Variants in C1orf167 observed in about 807,000 individuals in gnomAD.
C1orf167 encodes uncharacterized protein C1orf167.
In C1orf167, 153 loss-of-function variants were observed where a neutral mutation model predicts 176.5. That is an observed-to-expected ratio of 0.87 (90% CI 0.76 to 0.99). C1orf167 has a LOEUF of 0.99. C1orf167 is among the 50% of genes least tolerant of loss of function. The probability of loss-of-function intolerance (pLI) is 0.00; values close to 1 mark genes in which losing one functional copy is unlikely to be tolerated. For missense variants in C1orf167, 1,490 were observed against 1,817.7 expected (o/e 0.82, Z 3.28); for synonymous variants, 594 against 752.7 (o/e 0.79, Z 3.45).
rs1333815097 is a variant in C1orf167 at position 11,779,879 on chromosome 1, G to T, written c.2729G>T (p.Arg910Leu). ...CTGGCTTCCCACCGGGCCTGGGATC[G>T]GACCTGCAGGGCTGTGCTGGGCCTG... ...RELASHRAWD[R>L]TCRAVLGLWR... is the part of the protein sequence containing the mutation. Residue 910 changes from arginine (R) to leucine (L), a missense_variant, in exon 13 of 21, where the codon CGG becomes CTG. By Grantham distance (102) the Arg-to-Leu change is moderately radical. Transcript: ENST00000688073. 3 of 1,303,202 alleles carry T rather than the reference G, an allele frequency of 2.3e-6. No individual in the cohort carries two copies. The highest frequency in any genetic ancestry group is 1.1e-4 in the East Asian group (2 of 18,036). The allele number at this position is 1,303,202 out of a possible 1,614,324, so 80.7% of individuals were successfully genotyped here. A position where few individuals can be genotyped will look rare whatever the true frequency, so the allele number is the denominator to read the frequency against.
chr1:11,778,975 G>A lies in C1orf167; in HGVS notation c.2546G>A (p.Trp849Ter), dbSNP rs1322532940. ...LPDTLQGSLL[W>*]AAGQRQQGQC... ...GACACTCTCCAGGGGAGCCTTCTGTGGGCAGCTGGGCAGCGGCAGCAGGGG... is the reference window on the plus strand; with the variant it reads ...GACACTCTCCAGGGGAGCCTTCTGTAGGCAGCTGGGCAGCGGCAGCAGGGG... The change falls in exon 12 of 21, where the codon TGG becomes TAG. Residue 849 changes from tryptophan (W) to a stop codon, truncating the protein, a stop_gained. Transcript: ENST00000688073. LOFTEE classifies it high-confidence loss of function. The A allele has an allele frequency of 7.7e-7, 1 of 1,303,754 alleles. No homozygotes were observed. Among genetic ancestry groups the A allele is most frequent in the South Asian group, 1.2e-5 (1 of 80,972 alleles). The allele number at this position is 1,303,754 out of a possible 1,614,324, so 80.8% of individuals were successfully genotyped here. A position where few individuals can be genotyped will look rare whatever the true frequency, so the allele number is the denominator to read the frequency against.
intron 3 of C1orf167, 61 bp downstream of exon 3, chr1:11,767,146 G>A: frequency 1.6e-6 from 2 of 1,282,992 alleles, no homozygotes; most frequent in Non-Finnish European, 1.0e-6. Flanking sequence ...CCAGGGCAGG[G>A]AGGCTTGGCA....
At chr1:11,769,894 G>A (rs535032208) in intron 6 of C1orf167, among the ~76,000 whole-genome samples, 23 of 152,110 alleles carry the variant, frequency 1.5e-4, no homozygotes, top group Non-Finnish European at 2.8e-4. Flanking sequence ...GACCTCAAGT[G>A]ATCCACCTGC....
chr1:11,762,237 A>G lies in C1orf167; in HGVS notation c.-139A>G, dbSNP rs1358724774. The G allele has an allele frequency of 6.8e-6, 3 of 442,802 alleles. No homozygotes were observed. The highest frequency in any genetic ancestry group is 1.4e-4 in the East Asian group (2 of 14,092). 27.4% of individuals were successfully genotyped at this position (442,802 alleles called of 1,614,324 possible). On this transcript the variant is annotated 5_prime_UTR_variant, in exon 1 of 21. Transcript: ENST00000688073. ...GACCTGCCGACCTGCGGGGATCGTT[A>G]GCGGTCCCAGCCCCCGTCTAGATTC...
intron 13 of C1orf167, among the ~76,000 whole-genome samples, chr1:11,780,811 G>A (rs1290889117): frequency 1.3e-5 from 2 of 152,020 alleles, no homozygotes; most frequent in Non-Finnish European, 2.9e-5. Context: ...GAGAGGTTGA[G>A]GCGTGGGAAG....
chr1:11,776,432 G>T, intron 9 of C1orf167, 32 bp from the exon 10 acceptor site: 1 of 1,290,418 alleles, frequency 7.7e-7, no homozygotes, highest in South Asian at 1.3e-5. Flanking sequence ...TCAGTGGGGA[G>T]GCAGCTGACT....
At position 11,782,594 on chromosome 1, in the gene C1orf167, G is replaced by A. The variant is rs370331444; in HGVS notation, c.3005+261G>A. On this transcript the variant is annotated intron_variant, in intron 14 of 20. Coordinates refer to ENST00000688073, the MANE Select transcript of C1orf167 (RefSeq NM_001010881.2). ...CCCCGGGAGTCCAGCTCCTGGCCAG[G>A]TCAGTTCTTTGGTTTTAGAGGATAT... 1.7e-4 allele frequency among the ~76,000 whole-genome samples: 26 copies of A among 152,268 alleles called. No individual in the cohort carries two copies. In the South Asian group the frequency reaches 5.0e-3, roughly 29 times the overall value.
In C1orf167 at chr1:11,766,323, G is replaced by T; in HGVS notation, c.537G>T (p.Gly179=). 2 of 1,287,338 alleles carry T rather than the reference G, an allele frequency of 1.6e-6. No individual in the cohort carries two copies. Among genetic ancestry groups the T allele is most frequent in the South Asian group, 1.2e-5 (1 of 80,738 alleles). 79.7% of individuals were successfully genotyped at this position (1,287,338 alleles called of 1,614,324 possible). The part of the protein sequence containing the change: ...SGLPAPGTPS[G]DFRPTEAFAP... ...TGCCGGCCCCAGGCACCCCTAGCGG[G>T]GACTTCAGGCCCACTGAAGCCTTTG... is the stretch of plus-strand genomic sequence containing the variant. Residue 179 remains glycine (G), a synonymous_variant, in exon 3 of 21, where the codon GGG becomes GGT. Transcript: ENST00000688073. This position sits in a 1 kb window ranked among gnomAD's most constrained non-coding sequence, Gnocchi z 4.5.
chr1:11,789,209 C>T lies in C1orf167; in HGVS notation c.4174-61C>T, dbSNP rs112141230. 2.5e-5 allele frequency: 32 copies of T among 1,281,746 alleles called. 1 individual carries two copies. The African/African-American group carries it at 3.2e-4, about 13-fold the overall frequency. The allele number at this position is 1,281,746 out of a possible 1,614,324, so 79.4% of individuals were successfully genotyped here. ...TGGGTACAGGGGTTGCTCTAGCAGG[C>T]ACAGCACAGACCCCGGAGAAAGCCC... On this transcript the variant is annotated intron_variant, in intron 20 of 20. Coordinates refer to ENST00000688073, the MANE Select transcript of C1orf167 (RefSeq NM_001010881.2).
intron 8 of C1orf167, among the ~76,000 whole-genome samples, chr1:11,774,485 T>C (rs1196513371): frequency 6.6e-6 from 1 of 152,176 alleles, no homozygotes; most frequent in East Asian, 1.9e-4. Context: ...TAGTTTTCTG[T>C]GAGAATTTTT....
At position 11,764,020 on chromosome 1, in the gene C1orf167, A is replaced by G. The variant is rs140884942; in HGVS notation, c.-70-311A>G. On this transcript the variant is annotated intron_variant, in intron 1 of 20. Transcript: ENST00000688073. ...TTCAGTTTTGGACATATTAATGCTG[A>G]GATGCCTGTTAGACATCCGGGTAGG... is the stretch of plus-strand genomic sequence containing the variant. Among the ~76,000 whole-genome samples the G allele has an allele frequency of 8.5e-5, 13 of 152,306 alleles. No homozygotes were observed. The East Asian group carries it at 2.5e-3, about 29-fold the overall frequency.
intron 4 of C1orf167, 150 bp downstream of exon 4, chr1:11,767,414 G>A: frequency 1.6e-6 from 1 of 639,332 alleles, no homozygotes; most frequent in South Asian, 1.7e-5. Flanking sequence ...TGTCCCTGCT[G>A]GGGGATGAAG....
intron 16 of C1orf167, chr1:11,786,467 ACT>A (rs1643872008): frequency 6.6e-6 from 1 of 151,890 alleles, no homozygotes; most frequent in African/African-American, 2.4e-5. Context: ...ACAGTGTCTC[ACT>A]CTGTCGCCCA....
In C1orf167 at chr1:11,788,640, C is replaced by T. The variant is rs1012755813; in HGVS notation, c.4079-12C>T. The T allele has an allele frequency of 8.4e-6, 11 of 1,304,000 alleles. No individual in the cohort carries two copies. The highest frequency in any genetic ancestry group is 9.1e-6 in the Non-Finnish European group (9 of 988,822). The allele number at this position is 1,304,000 out of a possible 1,614,324, so 80.8% of individuals were successfully genotyped here. On this transcript the variant is annotated splice_polypyrimidine_tract_variant and intron_variant, in intron 19 of 20. Transcript: ENST00000688073. ...GAGCACAAGAGGCCTTCTCTGCCAACTGTCCCCAAAGCTCAGGGAGTGGCA... is the reference window on the plus strand; with the variant it reads ...GAGCACAAGAGGCCTTCTCTGCCAATTGTCCCCAAAGCTCAGGGAGTGGCA...
intron 13 of C1orf167, among the ~76,000 whole-genome samples, chr1:11,780,729 G>C (rs946105266): frequency 5.3e-5 from 8 of 152,154 alleles, no homozygotes; most frequent in African/African-American, 1.9e-4. Context: ...GGTGCCCTTA[G>C]GGGCCAGCAG....
Position 11,766,368 on chromosome 1 carries a change from A to G in C1orf167, c.582A>G (p.Thr194=), listed in dbSNP as rs1451962630. Residue 194 remains threonine (T), a synonymous_variant, in exon 3 of 21, where the codon ACA becomes ACG. Coordinates refer to ENST00000688073, the MANE Select transcript of C1orf167 (RefSeq NM_001010881.2). The surrounding 1 kb of genome is among the most constrained non-coding windows in gnomAD (Gnocchi z 4.5). ...TEAFAPLDGH[T]QPGLRSWGGL... ...CCTTTGCCCCTCTCGATGGGCATAC[A>G]CAGCCAGGCCTCAGATCCTGGGGTG... The G allele has an allele frequency of 7.9e-7, 1 of 1,269,210 alleles. No individual in the cohort carries two copies. The highest frequency in any genetic ancestry group is 5.6e-5 in the East Asian group (1 of 17,786). 78.6% of individuals were successfully genotyped at this position (1,269,210 alleles called of 1,614,324 possible).
rs1336883575 is a variant in C1orf167, at chr1:11,784,420, C to CT, written c.3254dup (p.Ala1087SerfsTer11). 3 of 1,303,668 alleles carry CT rather than the reference C, an allele frequency of 2.3e-6. No individual in the cohort carries two copies. 80.8% of individuals were successfully genotyped at this position (1,303,668 alleles called of 1,614,324 possible). A position where few individuals can be genotyped will look rare whatever the true frequency, so the allele number is the denominator to read the frequency against. On this transcript the variant is annotated frameshift_variant, in exon 15 of 21. Coordinates refer to ENST00000688073, the MANE Select transcript of C1orf167 (RefSeq NM_001010881.2). LOFTEE classifies it high-confidence loss of function. ...AGAAGAAGGCCCGGGCCCCACAGGC[C>CT]TTCCCAGCATGGCCAGTGGCCCCGG...
chr1:11,765,288 C>T (rs1234086906), intron 2 of C1orf167, among the ~76,000 whole-genome samples: 2 of 152,066 alleles, frequency 1.3e-5, no homozygotes, highest in East Asian at 3.9e-4. Flanking sequence ...CTCCCGGTAC[C>T]TCATCCATCC....
rs976484080 is a variant in C1orf167, at chr1:11,784,285, A to G, written c.3117A>G (p.Thr1039=). The change falls in exon 15 of 21, where the codon ACA becomes ACG. Residue 1039 remains threonine, a synonymous_variant. Transcript: ENST00000688073. ...GAGCACTGGGGGCCGTGTTTGCCAC[A>G]TGGCGGGAAGCCCAGGAAGTGGCAG... ...RRRALGAVFA[T]WREAQEVAAG... 20 of 1,303,524 alleles carry G rather than the reference A, an allele frequency of 1.5e-5. 1 individual carries two copies. Among genetic ancestry groups the G allele is most frequent in the South Asian group, 1.4e-4 (11 of 80,876 alleles). The allele number at this position is 1,303,524 out of a possible 1,614,324, so 80.7% of individuals were successfully genotyped here. A position where few individuals can be genotyped will look rare whatever the true frequency, so the allele number is the denominator to read the frequency against.
Sources: gnomAD v4.1 joint callset for allele counts (sites outside exome capture counted in the v4.1 genomes callset) on GRCh38, gnomAD v4.1.1 for gene constraint, Gnocchi (gnomAD v3.1) non-coding constraint, MANE v1.5 for transcripts, NCBI Gene and HGNC (gene_info 2026-07-23, HGNC 2026-07-21) for gene names.